Variants in DOCK11 observed in about 807,000 individuals in gnomAD.
DOCK11 encodes dedicator of cytokinesis protein 11.
In DOCK11, 70 loss-of-function variants were observed where a neutral mutation model predicts 169.1. The ratio of observed to expected loss-of-function variants is 0.41; its 90% confidence interval spans 0.34 to 0.51. The LOEUF is 0.51. Ranked by LOEUF, DOCK11 falls within the 20% of genes least tolerant of loss-of-function variation. The pLI is 0.10. For missense variants in DOCK11, 1,166 were observed against 1,538.8 expected (o/e 0.76, Z 4.05); for synonymous variants, 529 against 541.3 (o/e 0.98, Z 0.32).
chrX:118,613,317 G>T (rs929381820), intron 28 of DOCK11, among the ~76,000 whole-genome samples: 2 of 111,890 alleles, frequency 1.8e-5, no homozygotes, highest in African/African-American at 6.5e-5. Flanking sequence ...GTCTTACCCT[G>T]GGCAGTGGCA....
intron 45 of DOCK11, among the ~76,000 whole-genome samples, chrX:118,665,563 C>A (rs1264209824): frequency 8.9e-6 from 1 of 112,137 alleles, no homozygotes; most frequent in Non-Finnish European, 1.9e-5. Context: ...TCTTAATAAT[C>A]AAAAACTGTA....
chrX:118,617,319 G>A (rs772855238), intron 30 of DOCK11, among the ~76,000 whole-genome samples: 3 of 108,715 alleles, frequency 2.8e-5, no homozygotes, highest in East Asian at 2.9e-4. Context: ...GTGAAATCCC[G>A]TCTCTACTAA....
intron 51 of DOCK11, among the ~76,000 whole-genome samples, chrX:118,682,431 C>G (rs2016768009): frequency 9.0e-6 from 1 of 111,506 alleles, no homozygotes; most frequent in African/African-American, 3.3e-5. Flanking sequence ...TATGTTTTAT[C>G]AGCTGTTCCA....
At chrX:118,552,507 G>A (rs1459898277) in intron 6 of DOCK11, among the ~76,000 whole-genome samples, 1 of 112,427 alleles carries the variant, frequency 8.9e-6, no homozygotes, top group African/African-American at 3.2e-5. Context: ...GCTCTGGTCA[G>A]TTGTTAAGAT....
intron 14 of DOCK11, among the ~76,000 whole-genome samples, chrX:118,583,169 A>G (rs2147409620): frequency 9.0e-6 from 1 of 111,516 alleles, no homozygotes; most frequent in South Asian, 3.8e-4. Context: ...TCAACAAACT[A>G]ACACAAAAAC....
chrX:118,580,153 C>T lies in DOCK11; in HGVS notation c.1569C>T (p.Tyr523=). ...AKQVCSRLGQ[Y]RMPFAWAARP... ...AAGTGTGTAGCCGCCTTGGACAATA[C>T]AGAATGCCCTTCGCTTGGGCTGCCA... The change falls in exon 14 of 53, where the codon TAC becomes TAT. Residue 523 remains tyrosine (Y), a synonymous_variant. Transcript: ENST00000276202. 8.3e-7 allele frequency: 1 copy of T among 1,209,140 alleles called. No homozygotes were observed. The highest frequency in any genetic ancestry group is 1.1e-6 in the Non-Finnish European group (1 of 894,363).
At chrX:118,526,724 A>G (rs2011385803) in intron 1 of DOCK11, among the ~76,000 whole-genome samples, 1 of 112,507 alleles carries the variant, frequency 8.9e-6, no homozygotes, top group South Asian at 3.6e-4. Flanking sequence ...AGAGAAAACC[A>G]TTAAACATTT....
At chrX:118,638,187 T>C in intron 37 of DOCK11, 60 bp downstream of exon 37, 1 of 1,078,208 alleles carries the variant, frequency 9.3e-7, no homozygotes, top group Non-Finnish European at 1.3e-6. Context: ...AGGGCAATCT[T>C]AGTCATGCCA....
chrX:118,658,867 T>C (rs756247437), intron 44 of DOCK11, among the ~76,000 whole-genome samples: 1 of 112,073 alleles, frequency 8.9e-6, no homozygotes, highest in East Asian at 2.8e-4. Context: ...GTCAAGTCTC[T>C]GCATTCTTTC....
intron 1 of DOCK11, among the ~76,000 whole-genome samples, chrX:118,539,821 C>T (rs1483381095): frequency 1.8e-5 from 2 of 108,973 alleles, no homozygotes; most frequent in East Asian, 2.9e-4. Flanking sequence ...GAGGTCAAGG[C>T]GGGGGGATCA....
chrX:118,615,918 G>A (rs2014800327), intron 30 of DOCK11, among the ~76,000 whole-genome samples: 1 of 112,025 alleles, frequency 8.9e-6, no homozygotes, highest in African/African-American at 3.2e-5. Context: ...TGTGTTAATA[G>A]ATTGCTGCTT....
At chrX:118,597,142 A>G (rs1239220140) in intron 20 of DOCK11, among the ~76,000 whole-genome samples, 1 of 112,042 alleles carries the variant, frequency 8.9e-6, no homozygotes, top group African/African-American at 3.2e-5. Context: ...TTTTCATATA[A>G]TCTCACTCTA....
chrX:118,506,002 C>T (rs762061293), intron 1 of DOCK11, among the ~76,000 whole-genome samples: 58 of 112,646 alleles, frequency 5.1e-4, no homozygotes, highest in Non-Finnish European at 8.6e-4. Flanking sequence ...CCTATAATCC[C>T]AGCCCTTTGG....
intron 10 of DOCK11, among the ~76,000 whole-genome samples, chrX:118,570,552 T>C (rs1406352700): frequency 8.9e-6 from 1 of 112,256 alleles, no homozygotes; most frequent in African/African-American, 3.2e-5. Context: ...ATCTTACACA[T>C]TGGGCCCTTT....
intron 19 of DOCK11, among the ~76,000 whole-genome samples, chrX:118,590,522 G>A (rs2013962221): frequency 9.0e-6 from 1 of 111,439 alleles, no homozygotes; most frequent in African/African-American, 3.3e-5. Context: ...TCGACTTGAG[G>A]TAACAATGCA....
intron 34 of DOCK11, among the ~76,000 whole-genome samples, chrX:118,629,259 T>TG (rs2015179087): frequency 9.0e-6 from 1 of 111,479 alleles, no homozygotes; most frequent in Non-Finnish European, 1.9e-5. Context: ...ATTTAGAAAT[T>TG]GTGACAACAG....
intron 26 of DOCK11, among the ~76,000 whole-genome samples, chrX:118,608,829 C>A (rs1401683571): frequency 9.0e-6 from 1 of 111,406 alleles, no homozygotes; most frequent in East Asian, 2.8e-4. Flanking sequence ...GGGCTTCTCT[C>A]TACTCTTCAA....
chrX:118,521,492 TG>T (rs1392444774), intron 1 of DOCK11, among the ~76,000 whole-genome samples: 2 of 112,672 alleles, frequency 1.8e-5, no homozygotes, highest in Non-Finnish European at 3.7e-5. Flanking sequence ...GTTTGAATTT[TG>T]GAATTCTCTT....
intron 1 of DOCK11, among the ~76,000 whole-genome samples, chrX:118,528,123 G>T (rs1603032854): frequency 8.9e-6 from 1 of 112,250 alleles, no homozygotes; most frequent in South Asian, 3.7e-4. Flanking sequence ...TTCCATTCAC[G>T]AAGCCTCAAG....
Sources: allele counts gnomAD v4.1 joint callset (sites outside exome capture counted in the v4.1 genomes callset), GRCh38; gene constraint gnomAD v4.1.1; transcripts MANE v1.5; gene names NCBI Gene and HGNC (gene_info 2026-07-23, HGNC 2026-07-21).